DNTTIP1: variants seen among roughly 807,000 people sequenced by gnomAD.
DNTTIP1 encodes deoxynucleotidyltransferase terminal-interacting protein 1.
In DNTTIP1, 22 loss-of-function variants were observed where a neutral mutation model predicts 52.9. The ratio of observed to expected loss-of-function variants is 0.42; its 90% CI spans 0.30 to 0.59. DNTTIP1 has a LOEUF of 0.59. Ranked by LOEUF, DNTTIP1 falls within the 20% of genes least tolerant of loss-of-function variation. DNTTIP1 has a pLI of 0.22. For missense variants in DNTTIP1, 286 were observed against 435.5 expected (o/e 0.66, Z 3.06); for synonymous variants, 136 against 155.1 (o/e 0.88, Z 0.92).
chr20:45,805,985 G>C (rs1352810697), intron 10 of DNTTIP1, among the ~76,000 whole-genome samples: 1 of 151,970 alleles, frequency 6.6e-6, no homozygotes, highest in African/African-American at 2.4e-5. Flanking sequence ...AGGAGGCTGA[G>C]GCAGGAGAAT....
At position 45,792,109 on chromosome 20, in the gene DNTTIP1, G is replaced by T; in HGVS notation, c.105G>T (p.Thr35=). Residue 35 remains threonine (T), a splice_region_variant and synonymous_variant, in exon 1 of 13, where the codon ACG becomes ACT. Coordinates refer to ENST00000372622, the MANE Select transcript of DNTTIP1 (RefSeq NM_052951.3). ...DAGAAGQLVL[T]NPWNIMIKHR... is the part of the protein sequence containing the mutation. ...GCGCAGCGGGGCAGCTGGTTCTTACGGTGAGGGCGCCCCCGGTGAGGTCTG... is the reference window on the plus strand; with the variant it reads ...GCGCAGCGGGGCAGCTGGTTCTTACTGTGAGGGCGCCCCCGGTGAGGTCTG... 1 of 1,278,628 alleles carries T rather than the reference G, an allele frequency of 7.8e-7. No homozygotes were observed. Among genetic ancestry groups the T allele is most frequent in the East Asian group, 2.8e-5 (1 of 35,264 alleles). The allele number at this position is 1,278,628 out of a possible 1,614,324, so 79.2% of individuals were successfully genotyped here.
chr20:45,811,335 C>A lies in DNTTIP1; in HGVS notation c.*140C>A. The A allele has an allele frequency of 1.2e-6, 1 of 856,342 alleles. No individual in the cohort carries two copies. Among genetic ancestry groups the A allele is most frequent in the Non-Finnish European group, 1.8e-6 (1 of 567,036 alleles). 53.0% of individuals were successfully genotyped at this position (856,342 alleles called of 1,614,324 possible). Reference sequence around the variant, plus strand: ...TGAGCGAGTTTGTAGTGACTCACTGCACAGCACCCCCAGACTAGCATGTGG... The same window carrying A: ...TGAGCGAGTTTGTAGTGACTCACTGAACAGCACCCCCAGACTAGCATGTGG... On this transcript the variant is annotated 3_prime_UTR_variant, in exon 13 of 13. Coordinates refer to ENST00000372622, the MANE Select transcript of DNTTIP1 (RefSeq NM_052951.3).
At chr20:45,792,130 G>T in intron 1 of DNTTIP1, 21 bp downstream of exon 1, 1 of 1,247,524 alleles carries the variant, frequency 8.0e-7, no homozygotes, top group Non-Finnish European at 1.0e-6. Flanking sequence ...CCCCGGTGAG[G>T]TCTGGGCTCA....
chr20:45,795,645 G>A (rs1237561012), intron 4 of DNTTIP1, among the ~76,000 whole-genome samples: 1 of 152,090 alleles, frequency 6.6e-6, no homozygotes, highest in Non-Finnish European at 1.5e-5. Context: ...CAAACAATAC[G>A]AAAATTAGCT....
Position 45,811,395 on chromosome 20 carries a change from ATTAAACAG to A in DNTTIP1, c.*203_*210del. On this transcript the variant is annotated 3_prime_UTR_variant, in exon 13 of 13. Coordinates refer to ENST00000372622, the MANE Select transcript of DNTTIP1 (RefSeq NM_052951.3). ...TGTAAAGTTATTGGGATAAGAAACAATTAAACAGTTTGTAGTAAACACAGATGGTGAAC... is the reference window on the plus strand; with the variant it reads ...TGTAAAGTTATTGGGATAAGAAACAATTTGTAGTAAACACAGATGGTGAAC... The A allele has an allele frequency of 3.6e-6, 2 of 557,176 alleles. No individual in the cohort carries two copies. Among genetic ancestry groups the A allele is most frequent in the Middle Eastern group, 4.8e-4 (1 of 2,104 alleles). 34.5% of individuals were successfully genotyped at this position (557,176 alleles called of 1,614,324 possible). A position where few individuals can be genotyped will look rare whatever the true frequency, so the allele number is the denominator to read the frequency against.
At position 45,792,741 on chromosome 20, in the gene DNTTIP1, C is replaced by T; in HGVS notation, c.170C>T (p.Thr57Ile). The stretch of plus-strand genomic sequence containing the variant: ...CGGAGGGGCCGCCGCTCACAGATGA[C>T]AACAAGGTAAGGCTGGCCCTGCATG... ...VQRRGRRSQMTTSFTDPAISM... is the reference protein window; with the variant it reads ...VQRRGRRSQMITSFTDPAISM... The change falls in exon 2 of 13, where the codon ACA becomes ATA. Residue 57 changes from threonine to isoleucine, a missense_variant. Coordinates refer to ENST00000372622, the MANE Select transcript of DNTTIP1 (RefSeq NM_052951.3). 2 of 1,611,844 alleles carry T rather than the reference C, an allele frequency of 1.2e-6. No individual in the cohort carries two copies. The highest frequency in any genetic ancestry group is 2.2e-5 in the East Asian group (1 of 44,808).
intron 6 of DNTTIP1, 71 bp downstream of exon 6, chr20:45,801,529 T>C (rs1601029039): frequency 6.6e-7 from 1 of 1,520,310 alleles, no homozygotes; most frequent in Non-Finnish European, 9.1e-7. Flanking sequence ...GGCTCACACC[T>C]GTAATCCCAA....
In DNTTIP1 at chr20:45,811,182, C is replaced by T. The variant is rs1329284373; in HGVS notation, c.977C>T (p.Pro326Leu). 6.2e-7 allele frequency: 1 copy of T among 1,609,134 alleles called. No homozygotes were observed. Among genetic ancestry groups the T allele is most frequent in the Non-Finnish European group, 8.5e-7 (1 of 1,177,800 alleles). Residue 326 changes from proline (P) to leucine (L), a missense_variant, in exon 13 of 13, where the codon CCT (proline) becomes CTT (leucine). This residue lies in a region of DNTTIP1 where 78 missense variants were observed against 169.0 expected (regional missense o/e 0.46). Coordinates refer to ENST00000372622, the MANE Select transcript of DNTTIP1 (RefSeq NM_052951.3). ...AATGAGCATCGTGCTGTTGAAGCAC[C>T]TCCACAGACCTGAGGCCGGGTCCCC... The part of the protein sequence containing the change: ...TENEHRAVEA[P>L]PQT
intron 8 of DNTTIP1, among the ~76,000 whole-genome samples, chr20:45,804,074 T>A (rs4812963): frequency 0.015 from 2,329 of 152,322 alleles, 111 homozygotes; most frequent in Admixed American, 0.1. Flanking sequence ...GACCACCATG[T>A]TCTAAAACTC....
At position 45,793,938 on chromosome 20, in the gene DNTTIP1, T is replaced by A; in HGVS notation, c.194T>A (p.Ile65Asn). 1 of 1,593,134 alleles carries A rather than the reference T, an allele frequency of 6.3e-7. No individual in the cohort carries two copies. Among genetic ancestry groups the A allele is most frequent in the East Asian group, 2.3e-5 (1 of 43,874 alleles). ...GAATGCAGTTTCACAGATCCTGCCA[T>A]CTCCATGGATCTCCTCCGAGCTGTC... ...QMTTSFTDPA[I>N]SMDLLRAVLQ... The change falls in exon 3 of 13, where the codon ATC (isoleucine) becomes AAC (asparagine). Residue 65 changes from isoleucine (I) to asparagine (N), a missense_variant. By Grantham distance (149) the Ile-to-Asn change is moderately radical (BLOSUM62 -3). Transcript: ENST00000372622.
At chr20:45,810,423 C>G (rs1332105134) in intron 11 of DNTTIP1, among the ~76,000 whole-genome samples, 1 of 152,176 alleles carries the variant, frequency 6.6e-6, no homozygotes, top group African/African-American at 2.4e-5. Flanking sequence ...TCAGAGGGAG[C>G]ACATGGTTTC....
chr20:45,802,811 C>T (rs952219197), intron 7 of DNTTIP1, among the ~76,000 whole-genome samples: 7 of 150,738 alleles, frequency 4.6e-5, no homozygotes, highest in Non-Finnish European at 1.0e-4. Flanking sequence ...ATCCTTCCTT[C>T]CCCCTCAACC....
At position 45,809,053 on chromosome 20, in the gene DNTTIP1, G is replaced by C; in HGVS notation, c.724-61G>C. The C allele has an allele frequency of 6.8e-7, 1 of 1,467,832 alleles. No individual in the cohort carries two copies. Among genetic ancestry groups the C allele is most frequent in the Non-Finnish European group, 9.5e-7 (1 of 1,048,480 alleles). 90.9% of individuals were successfully genotyped at this position (1,467,832 alleles called of 1,614,324 possible). A position where few individuals can be genotyped will look rare whatever the true frequency, so the allele number is the denominator to read the frequency against. On this transcript the variant is annotated intron_variant, in intron 10 of 12. Transcript: ENST00000372622. The surrounding 1 kb of genome is among the most constrained non-coding windows in gnomAD (Gnocchi z 4.2). The stretch of plus-strand genomic sequence containing the variant: ...GCTCAAGGGCCAAGAGTATGCTCTG[G>C]GACCAAATGAGAAAAGCCCCTTACC...
chr20:45,803,237 A>T, intron 7 of DNTTIP1, 96 bp from the exon 8 acceptor site: 1 of 1,205,030 alleles, frequency 8.3e-7, no homozygotes, highest in Non-Finnish European at 1.2e-6. Context: ...GGCTAAAGTG[A>T]GAGTGTGTGA....
At chr20:45,797,334 GA>G (rs1981274286) in intron 4 of DNTTIP1, among the ~76,000 whole-genome samples, 1 of 152,120 alleles carries the variant, frequency 6.6e-6, no homozygotes, top group African/African-American at 2.4e-5. Flanking sequence ...ATTAATTCAA[GA>G]TGGATTAAAG....
intron 11 of DNTTIP1, among the ~76,000 whole-genome samples, chr20:45,810,514 A>G (rs770425111): frequency 3.3e-5 from 5 of 149,586 alleles, no homozygotes; most frequent in Non-Finnish European, 5.9e-5. Context: ...GTCCTTTCGT[A>G]TACTTGATCT....
intron 11 of DNTTIP1, 122 bp from the exon 12 acceptor site, chr20:45,810,763 A>C: frequency 2.3e-6 from 2 of 853,046 alleles, no homozygotes; most frequent in South Asian, 3.2e-5. Context: ...ACTAAATTGT[A>C]AACCGCATCC....
In DNTTIP1 at chr20:45,809,054, G is replaced by T. The variant is rs1222112735; in HGVS notation, c.724-60G>T. The T allele has an allele frequency of 2.0e-6, 3 of 1,474,834 alleles. No individual in the cohort carries two copies. Among genetic ancestry groups the T allele is most frequent in the East Asian group, 4.5e-5 (2 of 44,188 alleles). 91.4% of individuals were successfully genotyped at this position (1,474,834 alleles called of 1,614,324 possible). A position where few individuals can be genotyped will look rare whatever the true frequency, so the allele number is the denominator to read the frequency against. On this transcript the variant is annotated intron_variant, in intron 10 of 12. Coordinates refer to ENST00000372622, the MANE Select transcript of DNTTIP1 (RefSeq NM_052951.3). This position sits in a 1 kb window ranked among gnomAD's most constrained non-coding sequence, Gnocchi z 4.2. ...CTCAAGGGCCAAGAGTATGCTCTGG[G>T]ACCAAATGAGAAAAGCCCCTTACCC...
chr20:45,798,423 G>C (rs1247742892), intron 4 of DNTTIP1, among the ~76,000 whole-genome samples: 4 of 151,902 alleles, frequency 2.6e-5, no homozygotes, highest in African/African-American at 7.3e-5. Context: ...CAAGGCACAT[G>C]TATACATATG....
Sources: allele counts gnomAD v4.1 joint callset (sites outside exome capture counted in the v4.1 genomes callset), GRCh38; gene constraint gnomAD v4.1.1; regional missense constraint gnomAD v4.1.1; non-coding constraint Gnocchi (gnomAD v3.1); transcripts MANE v1.5; gene names NCBI Gene and HGNC (gene_info 2026-07-23, HGNC 2026-07-21).